The following RWDD1 variants were observed in gnomAD, a reference collection of about 807,000 sequenced individuals.
RWDD1 encodes RWD domain containing 1.
RWDD1 carries 17 observed loss-of-function variants against 31.6 expected under a neutral mutation model. The ratio of observed to expected loss-of-function variants is 0.54; its 90% CI spans 0.37 to 0.81. The LOEUF (loss-of-function observed/expected upper bound fraction) is 0.81. RWDD1 is among the 30% of genes least tolerant of loss of function. The pLI, the probability that RWDD1 is intolerant of heterozygous loss-of-function variation, is 0.00. For synonymous variants in RWDD1, 78 were observed against 94.2 expected (o/e 0.83, Z 0.99); for missense variants, 204 against 274.5 (o/e 0.74, Z 1.82).
chr6:116,572,723 T>TA, intron 1 of RWDD1: 4 of 335,982 alleles, frequency 1.2e-5, no homozygotes, highest in Non-Finnish European at 1.7e-5. Flanking sequence ...TAGTCAGAAT[T>TA]TATAGTGTAA....
In RWDD1 at chr6:116,590,953, A is replaced by G. The variant is rs1043459921; in HGVS notation, c.610+3A>G. 4 of 1,578,296 alleles carry G rather than the reference A, an allele frequency of 2.5e-6. No homozygotes were observed. The highest frequency in any genetic ancestry group is 3.4e-6 in the Non-Finnish European group (4 of 1,169,350). ...TGATATCCAGTTCTTGGAGGATGGT[A>G]AGATAATAGTAGAATTCCACATGTG... On this transcript the variant is annotated splice_donor_region_variant and intron_variant, in intron 6 of 6. Coordinates refer to ENST00000466444, the MANE Select transcript of RWDD1 (RefSeq NM_015952.4).
chr6:116,591,572 A>C (rs4142086), intron 6 of RWDD1, among the ~76,000 whole-genome samples: 123,531 of 152,246 alleles, frequency 0.81, 50,281 homozygotes, highest in Middle Eastern at 0.89. Context: ...TACCACCTAT[A>C]CTCTTCCATC....
Position 116,579,927 on chromosome 6 carries a change from T to A in RWDD1, c.74-368T>A, listed in dbSNP as rs529086281. ...TCAGTGAAACATGAGTATCAGTGGG[T>A]AGTTTCAGGTGAGAAACATGAAACT... On this transcript the variant is annotated intron_variant, in intron 1 of 6. Coordinates refer to ENST00000466444, the MANE Select transcript of RWDD1 (RefSeq NM_015952.4). Among the ~76,000 whole-genome samples the A allele has an allele frequency of 2.6e-5, 4 of 152,330 alleles. No homozygotes were observed. In the South Asian group the frequency reaches 6.2e-4, roughly 24 times the overall value.
intron 4 of RWDD1, among the ~76,000 whole-genome samples, chr6:116,589,967 A>G (rs916443192): frequency 1.3e-5 from 2 of 152,186 alleles, no homozygotes; most frequent in Non-Finnish European, 2.9e-5. Context: ...CAGCCAAACC[A>G]TATCAGACAG....
chr6:116,587,549 G>A (rs1328810328), intron 3 of RWDD1, among the ~76,000 whole-genome samples: 1 of 152,096 alleles, frequency 6.6e-6, no homozygotes, highest in Non-Finnish European at 1.5e-5. Flanking sequence ...CACAAAATAT[G>A]TATTTGGTCC....
At chr6:116,574,707 T>TCTTTTTTTCTTTCTC (rs1437126084) in intron 1 of RWDD1, among the ~76,000 whole-genome samples, 20 of 151,578 alleles carry the variant, frequency 1.3e-4, no homozygotes, top group African/African-American at 4.4e-4. Context: ...TTTTCTTTCT[T>TCTTTTTTTCTTTCTC]TCTTTTTTTC....
rs945531556 is a variant in RWDD1 at position 116,584,828 on chromosome 6, T to G, written c.241T>G (p.Ser81Ala). 6.3e-7 allele frequency: 1 copy of G among 1,593,408 alleles called. No homozygotes were observed. Among genetic ancestry groups the G allele is most frequent in the Admixed American group, 1.7e-5 (1 of 59,782 alleles). ...GGAAAATCTAGAAGATAATGATGTC[T>G]CAGACATTTTAAAATTACTAGCATT... ...SQENLEDNDVSDILKLLALQA... is the reference protein window; with the variant it reads ...SQENLEDNDVADILKLLALQA... The change falls in exon 3 of 7, where the codon TCA (serine) becomes GCA (alanine). Residue 81 changes from serine to alanine, a missense_variant. By Grantham distance (99) the Ser-to-Ala change is moderately conservative. Transcript: ENST00000466444.
At chr6:116,584,958 AT>A in intron 3 of RWDD1, 101 bp downstream of exon 3, 1 of 914,592 alleles carries the variant, frequency 1.1e-6, no homozygotes. Context: ...TAAACAGAAC[AT>A]TGACCAAGTG....
chr6:116,586,269 A>G (rs1454119636), intron 3 of RWDD1, among the ~76,000 whole-genome samples: 1 of 152,166 alleles, frequency 6.6e-6, no homozygotes, highest in East Asian at 1.9e-4. Flanking sequence ...GAAGAAGAAA[A>G]TAAAGATGAT....
intron 3 of RWDD1, among the ~76,000 whole-genome samples, chr6:116,585,173 G>T (rs1411027441): frequency 6.6e-6 from 1 of 152,102 alleles, no homozygotes; most frequent in Non-Finnish European, 1.5e-5. Context: ...AGAATGCCTA[G>T]TCCCATATGT....
Position 116,590,366 on chromosome 6 carries a change from T to TG in RWDD1, c.510dup (p.Lys171GlufsTer10), listed in dbSNP as rs754982306. The TG allele has an allele frequency of 6.3e-7, 1 of 1,596,736 alleles. No homozygotes were observed. The highest frequency in any genetic ancestry group is 1.2e-5 in the South Asian group (1 of 86,766). The stretch of plus-strand genomic sequence containing the variant: ...CTCTTGGAAATTAAAAAGAAAAGGA[T>TG]GAAAGAAGAAGAACAAGCAGGAAAA... On this transcript the variant is annotated frameshift_variant, in exon 5 of 7. Transcript: ENST00000466444. LOFTEE classifies it high-confidence loss of function.
intron 1 of RWDD1, among the ~76,000 whole-genome samples, chr6:116,576,371 C>T (rs143446840): frequency 5.3e-5 from 8 of 152,242 alleles, no homozygotes; most frequent in Non-Finnish European, 1.2e-4. Flanking sequence ...TGCACATGGG[C>T]GTTGCCACAC....
chr6:116,574,020 A>C, intron 1 of RWDD1: 1 of 982,348 alleles, frequency 1.0e-6, no homozygotes, highest in Middle Eastern at 5.2e-4. Context: ...GATTATAACA[A>C]ATCATAATAC....
chr6:116,574,882 C>T (rs1344200483), intron 1 of RWDD1, among the ~76,000 whole-genome samples: 1 of 151,756 alleles, frequency 6.6e-6, no homozygotes, highest in African/African-American at 2.4e-5. Flanking sequence ...GATCTTCCCA[C>T]CTCAGCCTCC....
Position 116,593,041 on chromosome 6 carries a change from G to A in RWDD1, c.672G>A (p.Glu224=), listed in dbSNP as rs761485105. 6.2e-7 allele frequency: 1 copy of A among 1,613,842 alleles called. No homozygotes were observed. The highest frequency in any genetic ancestry group is 1.1e-5 in the South Asian group (1 of 91,072). ...LFQEMDDLEL[E]DDEDDPDYNP... is the part of the protein sequence containing the mutation. ...AAGAAATGGATGACTTGGAGCTGGA[G>A]GATGATGAAGATGATCCAGACTATA... The change falls in exon 7 of 7, where the codon GAG becomes GAA. Residue 224 remains glutamate (E), a synonymous_variant. Coordinates refer to ENST00000466444, the MANE Select transcript of RWDD1 (RefSeq NM_015952.4).
chr6:116,581,145 T>C lies in RWDD1; in HGVS notation c.139+785T>C, dbSNP rs1347876052. Among the ~76,000 whole-genome samples, 4 of 152,102 alleles carry C rather than the reference T, an allele frequency of 2.6e-5. 1 individual carries two copies. The South Asian group carries it at 8.3e-4, about 31-fold the overall frequency. On this transcript the variant is annotated intron_variant, in intron 2 of 6. Coordinates refer to ENST00000466444, the MANE Select transcript of RWDD1 (RefSeq NM_015952.4). The stretch of plus-strand genomic sequence containing the variant: ...ATTGAAATCTGACTTAAAAGGATAT[T>C]GAATACATTTATTTACTACCAAATT...
chr6:116,596,138 T>G lies in RWDD1; in HGVS notation c.*3037T>G, dbSNP rs1468924085. ...GTAAGTGAACTACTTCACATAGCTC[T>G]TAATGTTTGTCTTTCAGAGGACATA... On this transcript the variant is annotated 3_prime_UTR_variant, in exon 7 of 7. Coordinates refer to ENST00000466444, the MANE Select transcript of RWDD1 (RefSeq NM_015952.4). The G allele has an allele frequency of 1.3e-5, 2 of 152,358 alleles. No homozygotes were observed. Among genetic ancestry groups the G allele is most frequent in the African/African-American group, 4.8e-5 (2 of 41,590 alleles). 9.4% of individuals were successfully genotyped at this position (152,358 alleles called of 1,614,324 possible).
intron 2 of RWDD1, among the ~76,000 whole-genome samples, chr6:116,580,977 C>T (rs1327403933): frequency 1.3e-5 from 2 of 152,052 alleles, no homozygotes; most frequent in African/African-American, 4.8e-5. Flanking sequence ...GAACTAACAA[C>T]CCTACACATT....
chr6:116,577,328 C>T (rs191304352), intron 1 of RWDD1, among the ~76,000 whole-genome samples: 39 of 152,116 alleles, frequency 2.6e-4, no homozygotes, highest in African/African-American at 9.4e-4. Flanking sequence ...GTTATTATTC[C>T]TCTTACTTTG....
Sources: allele counts gnomAD v4.1 joint callset (sites outside exome capture counted in the v4.1 genomes callset), GRCh38; gene constraint gnomAD v4.1.1; transcripts MANE v1.5; gene names NCBI Gene and HGNC (gene_info 2026-07-23, HGNC 2026-07-21).